The following CDK14 variants were observed in gnomAD, a reference collection of about 807,000 sequenced individuals.
The protein encoded by CDK14 is cyclin-dependent kinase 14.
CDK14 carries 34 observed loss-of-function variants against 60.7 expected under a neutral mutation model. The observed-to-expected ratio is 0.56, with a 90% CI of 0.43 to 0.75. The LOEUF is 0.75. Among genes scored for constraint, CDK14 ranks in the 30% least tolerant of loss-of-function variants. The probability of loss-of-function intolerance (pLI) is 0.00; values close to 1 mark genes in which losing one functional copy is unlikely to be tolerated. For missense variants in CDK14, 482 were observed against 564.1 expected (o/e 0.85, Z 1.47); for synonymous variants, 197 against 203.7 (o/e 0.97, Z 0.28).
At chr7:90,753,800 A>G (rs1409225158) in intron 4 of CDK14, among the ~76,000 whole-genome samples, 5 of 152,198 alleles carry the variant, frequency 3.3e-5, no homozygotes, top group African/African-American at 9.6e-5. Flanking sequence ...TATAAAATCA[A>G]TGTATAAAAT....
intron 7 of CDK14, among the ~76,000 whole-genome samples, chr7:90,915,321 C>T (rs1482165440): frequency 6.6e-6 from 1 of 152,118 alleles, no homozygotes; most frequent in Non-Finnish European, 1.5e-5. Context: ...TGCCTGTAGT[C>T]CCTGCTACTT....
chr7:90,697,724 A>G (rs914467409), intron 2 of CDK14, among the ~76,000 whole-genome samples: 2 of 152,194 alleles, frequency 1.3e-5, no homozygotes, highest in Admixed American at 6.5e-5. Flanking sequence ...GAATATCTAA[A>G]TAGTATTAAA....
intron 4 of CDK14, among the ~76,000 whole-genome samples, chr7:90,787,900 T>A (rs1805665521): frequency 6.6e-6 from 1 of 152,142 alleles, no homozygotes; most frequent in South Asian, 2.1e-4. Flanking sequence ...ATGAAAATAA[T>A]ACAAATTAGT....
In CDK14 at chr7:91,200,915, T is replaced by G. The variant is rs569361604; in HGVS notation, c.*29-6250T>G. 1.1e-4 allele frequency among the ~76,000 whole-genome samples: 16 copies of G among 152,230 alleles called. No homozygotes were observed. In the South Asian group the frequency reaches 1.4e-3, roughly 14 times the overall value. ...AGGCACAAAATCAGTAAGTCCAGTA[T>G]AGAACACCACCATGGTCCTGTTTTT... On this transcript the variant is annotated intron_variant, in intron 14 of 14. Transcript: ENST00000380050.
chr7:90,657,687 G>A (rs1446154083), intron 2 of CDK14, among the ~76,000 whole-genome samples: 2 of 152,168 alleles, frequency 1.3e-5, no homozygotes, highest in African/African-American at 4.8e-5. Context: ...CTATTGGACA[G>A]CACAGCTCAA....
At chr7:90,972,346 TC>T (rs1794955530) in intron 9 of CDK14, among the ~76,000 whole-genome samples, 1 of 152,220 alleles carries the variant, frequency 6.6e-6, no homozygotes, top group Non-Finnish European at 1.5e-5. Context: ...AATTTTTTAG[TC>T]TTTCACTTTT....
At chr7:91,197,647 A>G (rs1280961985) in intron 14 of CDK14, among the ~76,000 whole-genome samples, 2 of 152,252 alleles carry the variant, frequency 1.3e-5, no homozygotes, top group African/African-American at 4.8e-5. Flanking sequence ...CAAAGGTCCT[A>G]TCTTTCAGGC....
chr7:91,074,472 T>C (rs1295346418), intron 11 of CDK14, among the ~76,000 whole-genome samples: 2 of 152,168 alleles, frequency 1.3e-5, no homozygotes, highest in Admixed American at 1.3e-4. Context: ...AGAGACAATG[T>C]ACCAGAATCT....
intron 2 of CDK14, among the ~76,000 whole-genome samples, chr7:90,646,941 T>C (rs1428930464): frequency 6.6e-6 from 1 of 152,120 alleles, no homozygotes; most frequent in African/African-American, 2.4e-5. Context: ...ATTGCCAAAA[T>C]TGCCTGATGA....
chr7:90,919,601 A>C (rs1047215616), intron 8 of CDK14, among the ~76,000 whole-genome samples: 4 of 152,170 alleles, frequency 2.6e-5, no homozygotes, highest in Non-Finnish European at 5.9e-5. Context: ...CCTTTCTCTC[A>C]TTCCTTGCTT....
chr7:90,681,505 T>C (rs770792597), intron 2 of CDK14, among the ~76,000 whole-genome samples: 7 of 152,202 alleles, frequency 4.6e-5, no homozygotes, highest in Non-Finnish European at 7.3e-5. Flanking sequence ...GGTGCTCAGC[T>C]GCTCTCTGGG....
In CDK14 at chr7:91,209,812, A is replaced by C. The variant is rs1052497109; in HGVS notation, c.*2676A>C. 1.3e-5 allele frequency: 2 copies of C among 152,650 alleles called. No homozygotes were observed. The highest frequency in any genetic ancestry group is 4.8e-5 in the African/African-American group (2 of 41,466). The allele number at this position is 152,650 out of a possible 1,614,324, so 9.5% of individuals were successfully genotyped here. ...TGCAGTACTCAGCAAAAAATAGGGT[A>C]CATAAAGCAGGGTGGCTGTCCATCC... On this transcript the variant is annotated 3_prime_UTR_variant, in exon 15 of 15. Coordinates refer to ENST00000380050, the MANE Select transcript of CDK14 (RefSeq NM_001287135.2).
chr7:91,174,070 G>C (rs555717562), intron 14 of CDK14, among the ~76,000 whole-genome samples: 3 of 152,264 alleles, frequency 2.0e-5, no homozygotes, highest in Admixed American at 2.0e-4. Context: ...TGACAGCTTT[G>C]AAGAGAGCAG....
At chr7:90,916,068 G>GT (rs1320379311) in intron 7 of CDK14, among the ~76,000 whole-genome samples, 2 of 151,878 alleles carry the variant, frequency 1.3e-5, no homozygotes, top group East Asian at 1.9e-4. Context: ...TTTTTATTTC[G>GT]TTTTTTTAAA....
At chr7:90,761,045 G>A (rs1288228634) in intron 4 of CDK14, among the ~76,000 whole-genome samples, 2 of 152,206 alleles carry the variant, frequency 1.3e-5, no homozygotes, top group African/African-American at 2.4e-5. Context: ...GTTTCATTTA[G>A]CTTGCAGCAG....
intron 2 of CDK14, among the ~76,000 whole-genome samples, chr7:90,648,442 G>A (rs11976806): frequency 0.08 from 12,188 of 152,126 alleles, 643 homozygotes; most frequent in East Asian, 0.19. Context: ...ATATCCTATT[G>A]CAGGTGCAGT....
chr7:91,112,442 C>T lies in CDK14; in HGVS notation c.1155-100C>T, dbSNP rs574815662. The T allele has an allele frequency of 2.2e-4, 280 of 1,297,246 alleles. 13 individuals carry two copies. The South Asian group carries it at 4.0e-3, about 19-fold the overall frequency. The allele number at this position is 1,297,246 out of a possible 1,614,324, so 80.4% of individuals were successfully genotyped here. ...TCAGCAGGTAATTTGTTTTTCTAGCCAGGAATAAATTGAAATCCAGAAAAA... is the reference window on the plus strand; with the variant it reads ...TCAGCAGGTAATTTGTTTTTCTAGCTAGGAATAAATTGAAATCCAGAAAAA... On this transcript the variant is annotated intron_variant, in intron 12 of 14. Transcript: ENST00000380050.
chr7:91,024,126 GA>G (rs1796506557), intron 10 of CDK14, among the ~76,000 whole-genome samples: 1 of 151,130 alleles, frequency 6.6e-6, no homozygotes, highest in Non-Finnish European at 1.5e-5. Context: ...TGATGATGAT[GA>G]TGATGATGAT....
chr7:91,000,796 G>A (rs903692581), intron 10 of CDK14, among the ~76,000 whole-genome samples: 5 of 152,180 alleles, frequency 3.3e-5, no homozygotes, highest in African/African-American at 4.8e-5. Context: ...TTTGTGAAGC[G>A]AATCATCTAG....
Sources: gnomAD v4.1 joint callset for allele counts (sites outside exome capture counted in the v4.1 genomes callset) on GRCh38, gnomAD v4.1.1 for gene constraint, MANE v1.5 for transcripts, NCBI Gene and HGNC (gene_info 2026-07-23, HGNC 2026-07-21) for gene names.